Variants in SLC24A2 observed in about 807,000 individuals in gnomAD.
The protein encoded by SLC24A2 is solute carrier family 24 member 2.
Under a neutral mutation model 62.0 loss-of-function variants are expected in SLC24A2, and 36 were observed. The ratio of observed to expected loss-of-function variants is 0.58; its 90% CI spans 0.44 to 0.77. The LOEUF is 0.77. Among genes scored for constraint, SLC24A2 ranks in the 30% least tolerant of loss-of-function variants. SLC24A2 has a pLI of 0.00. For missense variants in SLC24A2, 846 were observed against 817.9 expected (o/e 1.03, Z -0.42); for synonymous variants, 358 against 294.0 (o/e 1.22, Z -2.23).
chr9:19,599,573 A>C lies in SLC24A2; in HGVS notation c.1079-2294T>G, dbSNP rs1836791310. On this transcript the variant is annotated intron_variant, in intron 4 of 10. Coordinates refer to ENST00000341998, the MANE Select transcript of SLC24A2 (RefSeq NM_020344.4). The surrounding 1 kb of genome is among the most constrained non-coding windows in gnomAD (Gnocchi z 4.5). ...TGCTAGAATACGGTCTTTAGCACTAACAGCAACAGGATGGTGAGATGGTGA... is the reference window on the plus strand; with the variant it reads ...TGCTAGAATACGGTCTTTAGCACTACCAGCAACAGGATGGTGAGATGGTGA... Among the ~76,000 whole-genome samples the C allele has an allele frequency of 6.6e-6, 1 of 152,210 alleles. No individual in the cohort carries two copies. Among genetic ancestry groups the C allele is most frequent in the African/African-American group, 2.4e-5 (1 of 41,448 alleles).
chr9:19,781,118 G>A (rs1587318249), intron 2 of SLC24A2, among the ~76,000 whole-genome samples: 1 of 152,108 alleles, frequency 6.6e-6, no homozygotes. Flanking sequence ...TAAATAAACT[G>A]CATGCATATT....
At chr9:20,202,409 C>T in the SLC24A2 span, among the ~76,000 whole-genome samples, 4 of 152,272 alleles carry the variant, frequency 2.6e-5, no homozygotes, top group East Asian at 5.8e-4. Context: ...TTGTTCTTCA[C>T]CTAACTTGGT....
intron 2 of SLC24A2, among the ~76,000 whole-genome samples, chr9:19,636,316 T>C (rs1455195977): frequency 4.1e-4 from 4 of 9,826 alleles, no homozygotes; most frequent in African/African-American, 1.3e-3. Flanking sequence ...TTTCTTTTCT[T>C]TTCTTTCTTT....
At chr9:20,006,253 A>C in the SLC24A2 span, among the ~76,000 whole-genome samples, 1 of 151,926 alleles carries the variant, frequency 6.6e-6, no homozygotes, top group African/African-American at 2.4e-5. Context: ...TTCCATATTC[A>C]TGTTATTAAA....
At chr9:20,287,079 G>A in the SLC24A2 span, among the ~76,000 whole-genome samples, 1 of 152,238 alleles carries the variant, frequency 6.6e-6, no homozygotes, top group South Asian at 2.1e-4. Flanking sequence ...AACATGCCAG[G>A]GTAAGTCTGA....
the SLC24A2 span, among the ~76,000 whole-genome samples, chr9:20,024,565 G>A: frequency 6.6e-6 from 1 of 152,172 alleles, no homozygotes; most frequent in Admixed American, 6.6e-5. Flanking sequence ...GTGGCATTGG[G>A]AACGTGATAA....
In SLC24A2 at chr9:19,519,690, G is replaced by C. The variant is rs552705369; in HGVS notation, c.1736+1204C>G. Among the ~76,000 whole-genome samples, 12 of 152,312 alleles carry C rather than the reference G, an allele frequency of 7.9e-5. 1 individual carries two copies. The South Asian group carries it at 2.1e-3, about 26-fold the overall frequency. On this transcript the variant is annotated intron_variant, in intron 10 of 10. Coordinates refer to ENST00000341998, the MANE Select transcript of SLC24A2 (RefSeq NM_020344.4). ...CTAGCAGGCAGATATACCAGGACAA[G>C]AGTAAGATGTACAGACAGTTTTTAG...
chr9:20,069,693 ATCT>A, the SLC24A2 span, among the ~76,000 whole-genome samples: 1 of 152,132 alleles, frequency 6.6e-6, no homozygotes, highest in Non-Finnish European at 1.5e-5. Flanking sequence ...TTGCCTTATG[ATCT>A]TCTTTTTACA....
At chr9:19,810,971 C>G in the SLC24A2 span, among the ~76,000 whole-genome samples, 1 of 129,878 alleles carries the variant, frequency 7.7e-6, no homozygotes. Flanking sequence ...TCTTCTTATT[C>G]TCTCCACAAC....
intron 2 of SLC24A2, among the ~76,000 whole-genome samples, chr9:19,784,572 C>A (rs2148789): frequency 0.75 from 113,554 of 152,078 alleles, 42,463 homozygotes; most frequent in East Asian, 0.8. Flanking sequence ...TATCAATGTA[C>A]ACCACCCAAA....
chr9:19,927,453 T>C, the SLC24A2 span: 2 of 152,190 alleles, frequency 1.3e-5, no homozygotes, highest in Non-Finnish European at 2.9e-5. Context: ...TGTTTGACCA[T>C]ATAAAGTACC....
At chr9:19,576,123 G>C (rs1381389045) in intron 6 of SLC24A2, among the ~76,000 whole-genome samples, 2 of 152,176 alleles carry the variant, frequency 1.3e-5, no homozygotes, top group African/African-American at 4.8e-5. Flanking sequence ...TAACAGGAAA[G>C]GCAGAAACTC....
chr9:20,256,940 ACAC>A, the SLC24A2 span, among the ~76,000 whole-genome samples: 25,981 of 151,926 alleles, frequency 0.17, 2,350 homozygotes, highest in Admixed American at 0.26. Context: ...ACACACACAC[ACAC>A]ACACACTTGC....
At chr9:19,542,504 CCTTGT>C (rs1834325044) in intron 8 of SLC24A2, among the ~76,000 whole-genome samples, 2 of 152,158 alleles carry the variant, frequency 1.3e-5, no homozygotes, top group East Asian at 3.9e-4. Flanking sequence ...GAGAGGGCAT[CCTTGT>C]CTTGTGCCAG....
chr9:19,884,271 C>T, the SLC24A2 span, among the ~76,000 whole-genome samples: 1 of 53,552 alleles, frequency 1.9e-5, no homozygotes, highest in South Asian at 7.6e-4. Flanking sequence ...GTTTATGAGC[C>T]CTATTCCTAA....
Position 19,511,449 on chromosome 9 carries a change from A to C in SLC24A2, c.*4704T>G, listed in dbSNP as rs1045692443. 1 of 152,168 alleles carries C rather than the reference A, an allele frequency of 6.6e-6. No homozygotes were observed. The highest frequency in any genetic ancestry group is 1.5e-5 in the Non-Finnish European group (1 of 68,024). The allele number at this position is 152,168 out of a possible 1,614,324, so 9.4% of individuals were successfully genotyped here. The stretch of plus-strand genomic sequence containing the variant: ...GGCTAAACATAGCCTGATATTTGTT[A>C]CTGTTTTAAACTACATAGGGATATA... On this transcript the variant is annotated 3_prime_UTR_variant, in exon 11 of 11. Transcript: ENST00000341998.
the SLC24A2 span, among the ~76,000 whole-genome samples, chr9:20,288,129 A>C: frequency 1.3e-5 from 2 of 152,196 alleles, no homozygotes. Flanking sequence ...GAGTTTTAGA[A>C]ACAAGGAAAA....
At chr9:19,862,711 C>G in the SLC24A2 span, among the ~76,000 whole-genome samples, 22 of 152,084 alleles carry the variant, frequency 1.4e-4, no homozygotes, top group African/African-American at 5.3e-4. Context: ...TTATGGGGTA[C>G]AGTCTTCATT....
At chr9:19,715,373 C>T (rs1159958162) in intron 2 of SLC24A2, among the ~76,000 whole-genome samples, 6 of 152,092 alleles carry the variant, frequency 3.9e-5, no homozygotes, top group Non-Finnish European at 8.8e-5. Flanking sequence ...TCATAATTGC[C>T]TAGCTGGAGA....
Sources: gnomAD v4.1 joint callset for allele counts (sites outside exome capture counted in the v4.1 genomes callset) on GRCh38, gnomAD v4.1.1 for gene constraint, Gnocchi (gnomAD v3.1) non-coding constraint, MANE v1.5 for transcripts, NCBI Gene and HGNC (gene_info 2026-07-23, HGNC 2026-07-21) for gene names.